Variants in WBP2NL observed in about 807,000 individuals in gnomAD.
The protein encoded by WBP2NL is postacrosomal sheath WW domain-binding protein.
A neutral mutation model predicts 23.3 loss-of-function variants in WBP2NL; 27 were observed. The ratio of observed to expected loss-of-function variants is 1.16; its 90% CI spans 0.85 to 1.60. The LOEUF (loss-of-function observed/expected upper bound fraction) is 1.60, where lower values mean the gene tolerates loss of function less well. Among genes scored for constraint, WBP2NL ranks in the 40% most tolerant of loss-of-function variants. WBP2NL has a pLI of 0.00. For synonymous variants in WBP2NL, 151 were observed against 145.9 expected (o/e 1.03, Z -0.25); for missense variants, 370 against 389.5 (o/e 0.95, Z 0.42).
At chr22:42,028,965 C>T (rs1031550160), downstream of WBP2NL, among the ~76,000 whole-genome samples, 4 of 152,346 alleles carry the variant, frequency 2.6e-5, no homozygotes, top group Admixed American at 2.6e-4. Context: ...AATGCTCCCA[C>T]TTATTTCCTA....
intron 1 of WBP2NL, chr22:42,002,024 T>A: frequency 1.7e-6 from 1 of 603,710 alleles, no homozygotes; most frequent in Non-Finnish European, 2.6e-6. Flanking sequence ...CGGCTTTGAC[T>A]CCGGGGCTGA....
At chr22:42,044,235 T>A (rs73165200) in intron 8 of WBP2NL, among the ~76,000 whole-genome samples, 5,399 of 152,090 alleles carry the variant, frequency 0.035, 186 homozygotes, top group African/African-American at 0.091. Flanking sequence ...AATTTTTTTT[T>A]AAATTTTTTT....
intron 8 of WBP2NL, among the ~76,000 whole-genome samples, chr22:42,050,763 C>CATA (rs2095686813): frequency 6.6e-6 from 1 of 152,046 alleles, no homozygotes; most frequent in Non-Finnish European, 1.5e-5. Context: ...TGCTGAACAT[C>CATA]ATATATCATT....
chr22:42,003,637 G>A (rs1292711307), intron 1 of WBP2NL, among the ~76,000 whole-genome samples: 1 of 152,152 alleles, frequency 6.6e-6, no homozygotes, highest in East Asian at 1.9e-4. Context: ...TTGAGCAGGA[G>A]AAGATTGATT....
At chr22:42,051,254 T>C (rs1183896206) in intron 8 of WBP2NL, among the ~76,000 whole-genome samples, 1 of 152,172 alleles carries the variant, frequency 6.6e-6, no homozygotes, top group African/African-American at 2.4e-5. Flanking sequence ...TGAAAGGCTA[T>C]TTACTGTATG....
intron 8 of WBP2NL, among the ~76,000 whole-genome samples, chr22:42,050,660 C>CA (rs71184860): frequency 0.33 from 47,805 of 143,726 alleles, 9,003 homozygotes; most frequent in Admixed American, 0.46. Flanking sequence ...CGTCCCCTCC[C>CA]AAAAAAAAAA....
intron 8 of WBP2NL, among the ~76,000 whole-genome samples, chr22:42,048,311 T>A (rs1482248437): frequency 6.8e-6 from 1 of 146,488 alleles, no homozygotes; most frequent in African/African-American, 2.7e-5. Flanking sequence ...TCCCAGCTAC[T>A]CGGGAGGCAG....
chr22:42,013,586 T>G (rs757593047), intron 1 of WBP2NL, among the ~76,000 whole-genome samples: 3 of 152,072 alleles, frequency 2.0e-5, no homozygotes. Context: ...TAGATTCATG[T>G]ATTTCATTAA....
intron 8 of WBP2NL, among the ~76,000 whole-genome samples, chr22:42,040,411 C>G (rs1353643086): frequency 6.6e-6 from 1 of 152,038 alleles, no homozygotes; most frequent in Non-Finnish European, 1.5e-5. Context: ...TTAGTAGAGA[C>G]GAGGTTTCAC....
chr22:42,017,721 A>G (rs1923442961), intron 1 of WBP2NL, among the ~76,000 whole-genome samples: 1 of 152,136 alleles, frequency 6.6e-6, no homozygotes, highest in South Asian at 2.1e-4. Context: ...AAGAAAGAAA[A>G]GGCTGGGGGA....
chr22:42,000,989 T>C (rs1211431170), intron 1 of WBP2NL: 2 of 497,172 alleles, frequency 4.0e-6, no homozygotes, highest in Non-Finnish European at 7.2e-6. Flanking sequence ...GGAGACTCCG[T>C]CTCAAAAAAA....
At chr22:42,052,819 A>T (rs1464234922) in intron 8 of WBP2NL, among the ~76,000 whole-genome samples, 1 of 152,108 alleles carries the variant, frequency 6.6e-6, no homozygotes, top group African/African-American at 2.4e-5. Context: ...CCTGTCTCTC[A>T]CCTGGATCCT....
At chr22:42,005,798 A>T (rs1922174283) in intron 1 of WBP2NL, among the ~76,000 whole-genome samples, 1 of 152,190 alleles carries the variant, frequency 6.6e-6, no homozygotes. Flanking sequence ...CAAGATCCTG[A>T]AGCATTTCTT....
intron 8 of WBP2NL, among the ~76,000 whole-genome samples, chr22:42,049,114 A>G (rs1319100048): frequency 1.3e-5 from 2 of 152,236 alleles, no homozygotes; most frequent in Non-Finnish European, 2.9e-5. Context: ...GACTTGCTGT[A>G]AAGTTATAGT....
chr22:42,008,176 T>C, intron 1 of WBP2NL, among the ~76,000 whole-genome samples: 2 of 52,732 alleles, frequency 3.8e-5, no homozygotes, highest in African/African-American at 8.4e-5. Flanking sequence ...CCTTTCTCCC[T>C]CCCTTCCCTC....
chr22:41,999,414 T>G (rs1569443811), intron 1 of WBP2NL, among the ~76,000 whole-genome samples: 2 of 152,198 alleles, frequency 1.3e-5, no homozygotes, highest in Admixed American at 1.3e-4. Flanking sequence ...GGCTTCTCCT[T>G]GGACCTGGAA....
intron 1 of WBP2NL, among the ~76,000 whole-genome samples, chr22:41,999,533 A>C (rs574791937): frequency 6.6e-6 from 1 of 152,306 alleles, no homozygotes; most frequent in East Asian, 1.9e-4. Flanking sequence ...CTCTTATCCC[A>C]ACAGTTTGGG....
intron 1 of WBP2NL, among the ~76,000 whole-genome samples, chr22:41,999,690 C>T (rs1026042249): frequency 1.3e-5 from 2 of 152,146 alleles, no homozygotes; most frequent in African/African-American, 4.8e-5. Context: ...ATTGCTTGAA[C>T]CCAGGAGTTT....
At chr22:42,025,026 C>T (rs912231838) in intron 5 of WBP2NL, among the ~76,000 whole-genome samples, 1 of 152,218 alleles carries the variant, frequency 6.6e-6, no homozygotes, top group East Asian at 1.9e-4. Context: ...TCATCTAGAA[C>T]TCCTGAGCTC....
Sources: allele counts gnomAD v4.1 joint callset (sites outside exome capture counted in the v4.1 genomes callset), GRCh38; gene constraint gnomAD v4.1.1; transcripts MANE v1.5; gene names NCBI Gene and HGNC (gene_info 2026-07-23, HGNC 2026-07-21).